Variants in CYP19A1 observed in about 807,000 individuals in gnomAD.
CYP19A1 encodes the protein aromatase.
Under a neutral mutation model 44.4 loss-of-function variants are expected in CYP19A1, and 32 were observed. The ratio of observed to expected loss-of-function variants is 0.72; its 90% CI spans 0.54 to 0.97. The LOEUF is 0.97. Among genes scored for constraint, CYP19A1 ranks in the 50% least tolerant of loss-of-function variants. The pLI is 0.00. For missense variants in CYP19A1, 598 were observed against 637.8 expected (o/e 0.94, Z 0.67); for synonymous variants, 212 against 215.6 (o/e 0.98, Z 0.14).
intron 1 of CYP19A1, among the ~76,000 whole-genome samples, chr15:51,319,341 A>G (rs35779220): frequency 1.3e-5 from 2 of 152,260 alleles, no homozygotes; most frequent in Non-Finnish European, 2.9e-5. Flanking sequence ...TCTCAAATGC[A>G]CTACTTAAAG....
At chr15:51,282,049 G>A (rs2035536649) in intron 1 of CYP19A1, among the ~76,000 whole-genome samples, 1 of 152,182 alleles carries the variant, frequency 6.6e-6, no homozygotes. Context: ...TTCCCTCTCT[G>A]AATTCTGAAA....
At chr15:51,313,348 G>A (rs754390453) in intron 1 of CYP19A1, among the ~76,000 whole-genome samples, 5 of 152,176 alleles carry the variant, frequency 3.3e-5, no homozygotes, top group Admixed American at 2.6e-4. Context: ...CTGGGGTGGT[G>A]GGGAGCAGAG....
intron 3 of CYP19A1, among the ~76,000 whole-genome samples, chr15:51,230,080 G>A (rs1011636169): frequency 6.6e-6 from 1 of 152,222 alleles, no homozygotes; most frequent in Non-Finnish European, 1.5e-5. Flanking sequence ...TAATCAGGCC[G>A]ATGTGATAAA....
chr15:51,275,893 A>G (rs938489314), intron 1 of CYP19A1, among the ~76,000 whole-genome samples: 2 of 152,166 alleles, frequency 1.3e-5, no homozygotes, highest in Non-Finnish European at 2.9e-5. Context: ...ACTGCTTGAC[A>G]GTGTGCCTGC....
intron 1 of CYP19A1, among the ~76,000 whole-genome samples, chr15:51,259,811 A>G (rs1325935577): frequency 6.6e-6 from 1 of 152,212 alleles, no homozygotes; most frequent in Admixed American, 6.5e-5. Flanking sequence ...TAGGTGACAC[A>G]TTTTGTGAAA....
intron 4 of CYP19A1, among the ~76,000 whole-genome samples, chr15:51,223,384 C>A (rs1459681621): frequency 6.6e-6 from 1 of 152,024 alleles, no homozygotes; most frequent in Non-Finnish European, 1.5e-5. Flanking sequence ...GAGGGTTTAA[C>A]CCTTAAAGTG....
chr15:51,287,157 G>A (rs1468903709), intron 1 of CYP19A1, among the ~76,000 whole-genome samples: 1 of 152,198 alleles, frequency 6.6e-6, no homozygotes, highest in Admixed American at 6.5e-5. Context: ...TAGGACTTTA[G>A]GAATGAGCAA....
At chr15:51,324,260 C>G (rs988633290) in intron 1 of CYP19A1, among the ~76,000 whole-genome samples, 1 of 152,136 alleles carries the variant, frequency 6.6e-6, no homozygotes, top group African/African-American at 2.4e-5. Context: ...CTGGTCATTG[C>G]CAAAGATGAA....
At chr15:51,232,049 A>T (rs1595696758) in intron 3 of CYP19A1, among the ~76,000 whole-genome samples, 2 of 152,172 alleles carry the variant, frequency 1.3e-5, no homozygotes, top group East Asian at 3.9e-4. Context: ...CCTACAACTC[A>T]CATGCTGTAA....
intron 6 of CYP19A1, among the ~76,000 whole-genome samples, chr15:51,216,578 G>C (rs1303173684): frequency 1.3e-5 from 2 of 152,132 alleles, no homozygotes; most frequent in African/African-American, 4.8e-5. Flanking sequence ...TATTTGCCTA[G>C]TCCTGAAGAC....
chr15:51,220,691 G>A (rs150097415), intron 5 of CYP19A1, among the ~76,000 whole-genome samples: 1 of 152,304 alleles, frequency 6.6e-6, no homozygotes, highest in East Asian at 1.9e-4. Context: ...TCAGGGTAAT[G>A]AGGATATTCA....
At chr15:51,328,280 G>T (rs1406793229) in intron 1 of CYP19A1, among the ~76,000 whole-genome samples, 1 of 152,170 alleles carries the variant, frequency 6.6e-6, no homozygotes, top group Non-Finnish European at 1.5e-5. Flanking sequence ...TTGGATGCTA[G>T]ATCCACCTAT....
chr15:51,276,466 A>C (rs1445775544), intron 1 of CYP19A1, among the ~76,000 whole-genome samples: 1 of 152,208 alleles, frequency 6.6e-6, no homozygotes, highest in African/African-American at 2.4e-5. Context: ...CATGTTAACT[A>C]CCCTTCATAT....
intron 8 of CYP19A1, among the ~76,000 whole-genome samples, chr15:51,213,012 C>A (rs1335753465): frequency 3.9e-5 from 6 of 152,216 alleles, no homozygotes; most frequent in Non-Finnish European, 7.3e-5. Context: ...AGGGGACATT[C>A]ATTTCCTCTC....
At chr15:51,258,259 T>C (rs1595729346) in intron 1 of CYP19A1, among the ~76,000 whole-genome samples, 1 of 152,218 alleles carries the variant, frequency 6.6e-6, no homozygotes, top group East Asian at 1.9e-4. Context: ...GTAACCATTT[T>C]CTCTCCTTTT....
At chr15:51,238,791 CAG>C (rs1252428203) in intron 2 of CYP19A1, among the ~76,000 whole-genome samples, 4 of 152,104 alleles carry the variant, frequency 2.6e-5, no homozygotes, top group African/African-American at 9.7e-5. Context: ...AGAAGAGAAC[CAG>C]AGTTTTGAGT....
chr15:51,266,214 A>T (rs1000809388), intron 1 of CYP19A1, among the ~76,000 whole-genome samples: 1 of 152,238 alleles, frequency 6.6e-6, no homozygotes, highest in Admixed American at 6.5e-5. Context: ...TGTGCCTACA[A>T]ATCACATTAT....
At chr15:51,278,321 C>A (rs566156117) in intron 1 of CYP19A1, among the ~76,000 whole-genome samples, 1 of 152,202 alleles carries the variant, frequency 6.6e-6, no homozygotes, top group East Asian at 1.9e-4. Context: ...GAAAACTGAC[C>A]ATGAGGAGGA....
At chr15:51,335,953 G>A (rs1056096635) in intron 1 of CYP19A1, among the ~76,000 whole-genome samples, 6 of 152,176 alleles carry the variant, frequency 3.9e-5, no homozygotes, top group Admixed American at 1.3e-4. Context: ...AATAAGCCAT[G>A]CCATCTCCTG....
Sources: gnomAD v4.1 joint callset for allele counts (sites outside exome capture counted in the v4.1 genomes callset) on GRCh38, gnomAD v4.1.1 for gene constraint, MANE v1.5 for transcripts, NCBI Gene and HGNC (gene_info 2026-07-23, HGNC 2026-07-21) for gene names.